VWA8: variants seen among roughly 807,000 people sequenced by gnomAD.
The protein encoded by VWA8 is von Willebrand factor A domain containing 8, also known as von Willebrand factor A domain-containing protein 8.
A neutral mutation model predicts 241.5 loss-of-function variants in VWA8; 221 were observed. The observed-to-expected ratio is 0.91, with a 90% CI of 0.82 to 1.02. The LOEUF is 1.02. VWA8 is among the 50% of genes least tolerant of loss of function. The pLI, the probability that VWA8 is intolerant of heterozygous loss-of-function variation, is 0.00. For missense variants in VWA8, 2,322 were observed against 2,328.7 expected, an observed-to-expected ratio of 1.00 and a Z score of 0.06; for synonymous variants, 852 against 827.1, an observed-to-expected ratio of 1.03 and a Z score of -0.52.
At chr13:41,635,026 T>A (rs2044748256) in intron 37 of VWA8, among the ~76,000 whole-genome samples, 2 of 152,184 alleles carry the variant, frequency 1.3e-5, no homozygotes. Context: ...CAAAATGACT[T>A]ATCTTCTCTT....
At chr13:41,868,681 C>T (rs1008709138) in intron 9 of VWA8, among the ~76,000 whole-genome samples, 3 of 151,648 alleles carry the variant, frequency 2.0e-5, no homozygotes, top group South Asian at 2.1e-4. Context: ...GTCAGGAGAT[C>T]GAGACCATCC....
rs368540681 is a variant in VWA8, at chr13:41,583,372, G to A, written c.5271+4140C>T. 7.3e-4 allele frequency among the ~76,000 whole-genome samples: 111 copies of A among 152,252 alleles called. 1 individual carries two copies. The highest frequency in any genetic ancestry group is 2.6e-3 in the African/African-American group (109 of 41,546). ...TAACAAACAGCCTAGGGCCAGGTGC[G>A]GTGGCTCACGCCTGTAATCCCAGCA... On this transcript the variant is annotated intron_variant, in intron 42 of 44. Coordinates refer to ENST00000379310, the MANE Select transcript of VWA8 (RefSeq NM_015058.2).
At position 41,602,082 on chromosome 13, in the gene VWA8, T is replaced by A. The variant is rs535294676; in HGVS notation, c.4986+3086A>T. Among the ~76,000 whole-genome samples, 78 of 152,202 alleles carry A rather than the reference T, an allele frequency of 5.1e-4. 1 individual carries two copies. The highest frequency in any genetic ancestry group is 1.9e-3 in the African/African-American group (77 of 41,560). ...TCCTTGCTTTGTTTTCAATCTAAAG[T>A]TCCATATTCTACACAAGGCCGTGTC... On this transcript the variant is annotated intron_variant, in intron 40 of 44. Transcript: ENST00000379310.
At chr13:41,730,308 G>A (rs1215773766) in intron 22 of VWA8, among the ~76,000 whole-genome samples, 1 of 151,912 alleles carries the variant, frequency 6.6e-6, no homozygotes, top group Non-Finnish European at 1.5e-5. Flanking sequence ...ACCACTAAGG[G>A]TTTAACTGTC....
chr13:41,697,451 C>T (rs903494117), intron 29 of VWA8, among the ~76,000 whole-genome samples: 2 of 152,152 alleles, frequency 1.3e-5, no homozygotes, highest in Admixed American at 6.5e-5. Context: ...CACCAGTGGC[C>T]CCCAACCTTT....
intron 37 of VWA8, among the ~76,000 whole-genome samples, chr13:41,617,263 C>T (rs1363872097): frequency 1.3e-5 from 2 of 152,164 alleles, no homozygotes; most frequent in Non-Finnish European, 2.9e-5. Context: ...GGATTACAGG[C>T]ACCTGCCACC....
chr13:41,811,263 T>C lies in VWA8; in HGVS notation c.2025A>G (p.Glu675=). Residue 675 remains glutamate (E), a synonymous_variant, in exon 17 of 45, where the codon GAA becomes GAG. Transcript: ENST00000379310. Reference sequence around the variant, plus strand: ...CTTTAGTAACAGCACTGTGAAGATTTTCATTAGGATACTGTGACAGCCGAC... The same window carrying C: ...CTTTAGTAACAGCACTGTGAAGATTCTCATTAGGATACTGTGACAGCCGAC... ...ISRRLSQYPN[E]NLHSAVTKAC... The C allele has an allele frequency of 6.2e-7, 1 of 1,610,402 alleles. No homozygotes were observed. The highest frequency in any genetic ancestry group is 8.5e-7 in the Non-Finnish European group (1 of 1,177,232).
At chr13:41,616,539 C>T (rs899958942) in intron 37 of VWA8, among the ~76,000 whole-genome samples, 7 of 151,766 alleles carry the variant, frequency 4.6e-5, no homozygotes, top group Non-Finnish European at 8.8e-5. Context: ...AACTTGCCAC[C>T]ATTTTTCAAC....
rs191785219 is a variant in VWA8, at chr13:41,617,269, C to A, written c.4612-2185G>T. ...AAGTAGCTGGGATTACAGGCACCTG[C>A]CACCACGCCCAGCTAATTTTTTTAT... On this transcript the variant is annotated intron_variant, in intron 37 of 44. Coordinates refer to ENST00000379310, the MANE Select transcript of VWA8 (RefSeq NM_015058.2). Among the ~76,000 whole-genome samples the A allele has an allele frequency of 2.9e-3, 445 of 152,234 alleles. 2 individuals are homozygous for A. The highest frequency in any genetic ancestry group is 9.9e-3 in the African/African-American group (412 of 41,538).
At chr13:41,591,442 A>G (rs538773842) in intron 40 of VWA8, among the ~76,000 whole-genome samples, 1 of 152,346 alleles carries the variant, frequency 6.6e-6, no homozygotes, top group South Asian at 2.1e-4. Context: ...GCCAACTACT[A>G]TATTTACATT....
intron 37 of VWA8, among the ~76,000 whole-genome samples, chr13:41,656,215 G>A (rs1234084410): frequency 1.3e-5 from 2 of 152,158 alleles, no homozygotes; most frequent in African/African-American, 4.8e-5. Context: ...AGGGAATGAT[G>A]ACTTACAATC....
chr13:41,881,882 G>T lies in VWA8; in HGVS notation c.1080+1505C>A, dbSNP rs1317559585. Among the ~76,000 whole-genome samples the T allele has an allele frequency of 2.4e-4, 36 of 148,984 alleles. No homozygotes were observed. The South Asian group carries it at 7.8e-3, about 32-fold the overall frequency. On this transcript the variant is annotated intron_variant, in intron 9 of 44. Coordinates refer to ENST00000379310, the MANE Select transcript of VWA8 (RefSeq NM_015058.2). Reference sequence around the variant, plus strand: ...TGACCCCCCCACCTCCCTCCCGGACGGGGCGGCTGGCCTGGCGGGGGCTGA... The same window carrying T: ...TGACCCCCCCACCTCCCTCCCGGACTGGGCGGCTGGCCTGGCGGGGGCTGA...
At chr13:41,713,272 AAAT>A (rs1248370094) in intron 26 of VWA8, among the ~76,000 whole-genome samples, 1 of 152,228 alleles carries the variant, frequency 6.6e-6, no homozygotes, top group Non-Finnish European at 1.5e-5. Context: ...AAAATGTAGA[AAAT>A]AATACATGTG....
At chr13:41,954,164 C>G (rs566452763) in intron 1 of VWA8, among the ~76,000 whole-genome samples, 1 of 152,162 alleles carries the variant, frequency 6.6e-6, no homozygotes, top group African/African-American at 2.4e-5. Flanking sequence ...ACCAATGTCC[C>G]AACTCTGACC....
chr13:41,692,055 T>A, intron 30 of VWA8, 117 bp from the exon 31 acceptor site: 1 of 637,364 alleles, frequency 1.6e-6, no homozygotes, highest in Non-Finnish European at 2.8e-6. Context: ...CATGTAATTC[T>A]CAAACAAGCT....
intron 15 of VWA8, among the ~76,000 whole-genome samples, chr13:41,817,377 T>G (rs1181558721): frequency 1.3e-5 from 2 of 152,178 alleles, no homozygotes; most frequent in Non-Finnish European, 2.9e-5. Flanking sequence ...TATAACAAAC[T>G]TCAATTAAGT....
intron 37 of VWA8, among the ~76,000 whole-genome samples, chr13:41,650,689 G>A (rs1357227123): frequency 6.6e-6 from 1 of 152,204 alleles, no homozygotes; most frequent in Non-Finnish European, 1.5e-5. Flanking sequence ...TGCTGGGGGT[G>A]CCAGCCTAAG....
intron 40 of VWA8, among the ~76,000 whole-genome samples, chr13:41,592,017 G>C (rs1417315671): frequency 6.7e-6 from 1 of 149,438 alleles, no homozygotes; most frequent in Non-Finnish European, 1.5e-5. Context: ...ACATGCACAC[G>C]TATGTTTATT....
At chr13:41,594,079 A>AAAGAG (rs776045729) in intron 40 of VWA8, among the ~76,000 whole-genome samples, 16 of 152,108 alleles carry the variant, frequency 1.1e-4, no homozygotes, top group Non-Finnish European at 2.4e-4. Flanking sequence ...TTTACCATGT[A>AAAGAG]AAGAGCCACT....
Sources: allele counts gnomAD v4.1 joint callset (sites outside exome capture counted in the v4.1 genomes callset), GRCh38; gene constraint gnomAD v4.1.1; transcripts MANE v1.5; gene names NCBI Gene and HGNC (gene_info 2026-07-23, HGNC 2026-07-21).